Variants in DLGAP2 observed in about 807,000 individuals in gnomAD.
The protein encoded by DLGAP2 is DLG associated protein 2, also known as disks large-associated protein 2.
DLGAP2 carries 26 observed loss-of-function variants against 100.3 expected under a neutral mutation model. The observed-to-expected ratio is 0.26, with a 90% confidence interval of 0.19 to 0.36. DLGAP2 has a LOEUF of 0.36. Ranked by LOEUF, DLGAP2 falls within the 10% of genes least tolerant of loss-of-function variation. DLGAP2 has a pLI of 1.00. For synonymous variants in DLGAP2, 886 were observed against 630.1 expected (o/e 1.41, Z -6.08); for missense variants, 1,858 against 1,453.2 (o/e 1.28, Z -4.53).
intron 1 of DLGAP2, among the ~76,000 whole-genome samples, chr8:759,207 A>G (rs1206238007): frequency 1.5e-5 from 2 of 129,584 alleles, no homozygotes; most frequent in African/African-American, 2.8e-5. Context: ...CCCATTATCA[A>G]TACCCCCCAC....
intron 1 of DLGAP2, among the ~76,000 whole-genome samples, chr8:857,832 G>A (rs1797309675): frequency 6.6e-6 from 1 of 152,018 alleles, no homozygotes; most frequent in Non-Finnish European, 1.5e-5. Context: ...TGTTCACCCA[G>A]ATACTTGAAA....
intron 2 of DLGAP2, among the ~76,000 whole-genome samples, chr8:1,187,261 C>G (rs563459747): frequency 2.0e-5 from 3 of 151,942 alleles, no homozygotes; most frequent in Non-Finnish European, 2.9e-5. Flanking sequence ...CTCACACACA[C>G]GGGACCTCTG....
At chr8:1,070,535 C>T (rs745970366) in intron 2 of DLGAP2, among the ~76,000 whole-genome samples, 4 of 152,178 alleles carry the variant, frequency 2.6e-5, no homozygotes, top group African/African-American at 9.7e-5. Flanking sequence ...AAATATCTCA[C>T]AGGTGAGGGG....
At chr8:965,745 C>CCG (rs1248715390) in intron 2 of DLGAP2, among the ~76,000 whole-genome samples, 1 of 105,538 alleles carries the variant, frequency 9.5e-6, no homozygotes, top group African/African-American at 3.5e-5. Flanking sequence ...TCACCTCACA[C>CCG]GGCTCCTGAG....
At chr8:1,623,531 GACCTGACACCAGTGCGTGATA>G (rs1797406491) in intron 6 of DLGAP2, among the ~76,000 whole-genome samples, 1 of 149,420 alleles carries the variant, frequency 6.7e-6, no homozygotes, top group African/African-American at 2.4e-5. Context: ...AGTGCGTCAT[GACCTGACACCAGTGCGTGATA>G]ACCTGGCACC....
chr8:1,053,360 C>T lies in DLGAP2; in HGVS notation c.73+145394C>T, dbSNP rs192811055. On this transcript the variant is annotated intron_variant, in intron 2 of 14. Coordinates refer to ENST00000637795, the MANE Select transcript of DLGAP2 (RefSeq NM_001346810.2). Reference sequence around the variant, plus strand: ...AACATAGAATGAAGTGCTTCCTACACAGGCAGTACAAGTGATGAGTTCATA... The same window carrying T: ...AACATAGAATGAAGTGCTTCCTACATAGGCAGTACAAGTGATGAGTTCATA... Among the ~76,000 whole-genome samples, 3 of 152,214 alleles carry T rather than the reference C, an allele frequency of 2.0e-5. No homozygotes were observed. In the East Asian group the frequency reaches 5.8e-4, roughly 29 times the overall value.
Position 1,548,950 on chromosome 8 carries a change from A to G in DLGAP2, c.497A>G (p.Tyr166Cys), listed in dbSNP as rs758926840. ...AGCAGCACCTTCCCGCGGATGCACT[A>G]CAGCTCGCACTACGACACGCGCGAC... is the stretch of plus-strand genomic sequence containing the variant. ...VSSSTFPRMH[Y>C]SSHYDTRDDC... is the part of the protein sequence containing the mutation. The change falls in exon 5 of 15, where the codon TAC becomes TGC. Residue 166 changes from tyrosine to cysteine, a missense_variant. Tyr to Cys is a radical substitution (Grantham distance 194). Coordinates refer to ENST00000637795, the MANE Select transcript of DLGAP2 (RefSeq NM_001346810.2). 1 of 1,598,926 alleles carries G rather than the reference A, an allele frequency of 6.3e-7. No homozygotes were observed.
Position 1,356,916 on chromosome 8 carries a change from G to C in DLGAP2, c.106+98033G>C, listed in dbSNP as rs368908762. On this transcript the variant is annotated intron_variant, in intron 3 of 14. Coordinates refer to ENST00000637795, the MANE Select transcript of DLGAP2 (RefSeq NM_001346810.2). Reference sequence around the variant, plus strand: ...GTGTGCCCTTGTGTCTACAGTGCCCGTGTCTACAGCGCACGTTCATTCGGC... The same window carrying C: ...GTGTGCCCTTGTGTCTACAGTGCCCCTGTCTACAGCGCACGTTCATTCGGC... 7.9e-5 allele frequency among the ~76,000 whole-genome samples: 12 copies of C among 152,298 alleles called. 1 individual carries two copies. In the East Asian group the frequency reaches 1.7e-3, roughly 22 times the overall value.
At chr8:1,281,067 C>G (rs1001890507) in intron 3 of DLGAP2, among the ~76,000 whole-genome samples, 1 of 152,216 alleles carries the variant, frequency 6.6e-6, no homozygotes, top group Non-Finnish European at 1.5e-5. Context: ...TAGTGCCCAG[C>G]TCAGAGAATG....
intron 3 of DLGAP2, among the ~76,000 whole-genome samples, chr8:1,458,246 C>T (rs774044728): frequency 6.6e-6 from 1 of 151,932 alleles, no homozygotes; most frequent in Admixed American, 6.6e-5. Flanking sequence ...TGTTGCCTTC[C>T]TGCAGCATGT....
chr8:829,044 C>G (rs1251557744), intron 1 of DLGAP2, among the ~76,000 whole-genome samples: 1 of 152,258 alleles, frequency 6.6e-6, no homozygotes, highest in South Asian at 2.1e-4. Context: ...CTTTGACAAA[C>G]CTGATTTTTT....
chr8:1,483,209 G>T (rs1799145671), intron 3 of DLGAP2, among the ~76,000 whole-genome samples: 1 of 152,188 alleles, frequency 6.6e-6, no homozygotes, highest in Admixed American at 6.5e-5. Context: ...GGTCCAGGGA[G>T]TCCGTACTTT....
intron 3 of DLGAP2, among the ~76,000 whole-genome samples, chr8:1,274,541 G>T (rs1722055580): frequency 1.3e-5 from 2 of 148,946 alleles, no homozygotes; most frequent in African/African-American, 4.9e-5. Context: ...GAGTGACTTT[G>T]GATTTGTTTT....
chr8:1,670,270 G>A (rs1417284276), intron 10 of DLGAP2, among the ~76,000 whole-genome samples: 2 of 152,222 alleles, frequency 1.3e-5, no homozygotes, highest in Non-Finnish European at 2.9e-5. Context: ...AACTCATACA[G>A]TTAAGTCAGC....
intron 2 of DLGAP2, among the ~76,000 whole-genome samples, chr8:1,225,336 A>G (rs1000038187): frequency 2.1e-4 from 32 of 152,266 alleles, no homozygotes; most frequent in African/African-American, 7.7e-4. Flanking sequence ...AAAAAATGTC[A>G]CATATTCTGT....
chr8:1,164,747 C>A (rs1796981572), intron 2 of DLGAP2, among the ~76,000 whole-genome samples: 1 of 152,096 alleles, frequency 6.6e-6, no homozygotes, highest in South Asian at 2.1e-4. Context: ...AAACAAATGT[C>A]TGAGGTCTAT....
chr8:1,250,477 G>T (rs1453422716), intron 2 of DLGAP2: 1 of 152,222 alleles, frequency 6.6e-6, no homozygotes, highest in East Asian at 1.9e-4. Context: ...GAAGGAAGAA[G>T]GGAGTGAATG....
At chr8:1,310,080 TGAAACCTGCGACAGCAAG>T in intron 3 of DLGAP2, among the ~76,000 whole-genome samples, 1 of 144,208 alleles carries the variant, frequency 6.9e-6, no homozygotes, top group South Asian at 2.1e-4. Context: ...AAAAAAAAGA[TGAAACCTGCGACAGCAAG>T]GGAGGAAGGG....
In DLGAP2 at chr8:1,172,663, C is replaced by G. The variant is rs187667724; in HGVS notation, c.74-86188C>G. Among the ~76,000 whole-genome samples the G allele has an allele frequency of 8.1e-3, 1,238 of 152,266 alleles. 13 individuals carry two copies. The highest frequency in any genetic ancestry group is 0.029 in the African/African-American group (1,207 of 41,542). The stretch of plus-strand genomic sequence containing the variant: ...CTTCCATCGCTGATACCCTTTCTTC[C>G]AGTTGATCACATCGGCTCCTGGGGC... On this transcript the variant is annotated intron_variant, in intron 2 of 14. Transcript: ENST00000637795.
Sources: allele counts gnomAD v4.1 joint callset (sites outside exome capture counted in the v4.1 genomes callset), GRCh38; gene constraint gnomAD v4.1.1; transcripts MANE v1.5; gene names NCBI Gene and HGNC (gene_info 2026-07-23, HGNC 2026-07-21).